The following TAFA2 variants were observed in gnomAD, a reference collection of about 807,000 sequenced individuals.
TAFA2 encodes the protein chemokine-like protein TAFA-2.
In TAFA2, 7 loss-of-function variants were observed where a neutral mutation model predicts 18.8. That is an observed-to-expected ratio of 0.37 (90% CI 0.21 to 0.70). The LOEUF (loss-of-function observed/expected upper bound fraction) is 0.70. Ranked by LOEUF, TAFA2 falls within the 30% of genes least tolerant of loss-of-function variation. The pLI, the probability that TAFA2 is intolerant of heterozygous loss-of-function variation, is 0.53. For synonymous variants in TAFA2, 60 were observed against 54.2 expected, an observed-to-expected ratio of 1.11 and a Z score of -0.47; for missense variants, 122 against 158.1, an observed-to-expected ratio of 0.77 and a Z score of 1.23.
chr12:61,899,397 A>G (rs1203512454), intron 1 of TAFA2, among the ~76,000 whole-genome samples: 1 of 152,196 alleles, frequency 6.6e-6, no homozygotes, highest in Non-Finnish European at 1.5e-5. Context: ...AAAGAAAGTA[A>G]GGTTAATTGA....
intron 2 of TAFA2, among the ~76,000 whole-genome samples, chr12:61,864,918 A>G (rs1471755231): frequency 6.6e-6 from 1 of 152,128 alleles, no homozygotes; most frequent in Admixed American, 6.6e-5. Context: ...GTTCTGGGTC[A>G]GAAACTGATA....
At chr12:61,717,367 T>G (rs1038859576) in intron 4 of TAFA2, among the ~76,000 whole-genome samples, 1 of 152,200 alleles carries the variant, frequency 6.6e-6, no homozygotes, top group Non-Finnish European at 1.5e-5. Flanking sequence ...ATCACTTTTA[T>G]AAATATACTC....
intron 1 of TAFA2, among the ~76,000 whole-genome samples, chr12:61,940,602 C>G (rs1055710730): frequency 6.6e-6 from 1 of 152,186 alleles, no homozygotes; most frequent in South Asian, 2.1e-4. Flanking sequence ...TCTTTAGATG[C>G]AGTCAACCCA....
At chr12:61,752,621 T>C (rs1223885294) in intron 4 of TAFA2, among the ~76,000 whole-genome samples, 2 of 152,022 alleles carry the variant, frequency 1.3e-5, no homozygotes, top group Non-Finnish European at 2.9e-5. Context: ...TTTTTATTCA[T>C]GCCATTTGAA....
intron 1 of TAFA2, among the ~76,000 whole-genome samples, chr12:62,221,387 CAACT>C (rs1191164785): frequency 6.6e-6 from 1 of 152,042 alleles, no homozygotes; most frequent in Non-Finnish European, 1.5e-5. Flanking sequence ...TTAGACCAAC[CAACT>C]GATTTAGTAG....
chr12:62,060,703 T>C (rs1882323857), intron 1 of TAFA2, among the ~76,000 whole-genome samples: 1 of 152,182 alleles, frequency 6.6e-6, no homozygotes, highest in South Asian at 2.1e-4. Context: ...CTGAAGACCT[T>C]CCAGTGGGAC....
In TAFA2 at chr12:61,849,594, G is replaced by A. The variant is rs543321951; in HGVS notation, c.106+17726C>T. Among the ~76,000 whole-genome samples the A allele has an allele frequency of 8.5e-5, 13 of 152,240 alleles. No homozygotes were observed. In the South Asian group the frequency reaches 2.5e-3, roughly 29 times the overall value. ...TAGTGATATAGAAAAGAAACTAAAT[G>A]TGGAAAACTAGAAACTACAGGAGAC... On this transcript the variant is annotated intron_variant, in intron 2 of 4. Transcript: ENST00000416284.
chr12:61,926,282 C>T (rs1361576294), intron 1 of TAFA2, among the ~76,000 whole-genome samples: 1 of 152,204 alleles, frequency 6.6e-6, no homozygotes, highest in African/African-American at 2.4e-5. Context: ...GGAGCTGGTA[C>T]CATTCCTTCT....
chr12:61,977,732 T>A (rs999416767), intron 1 of TAFA2, among the ~76,000 whole-genome samples: 2 of 152,088 alleles, frequency 1.3e-5, no homozygotes, highest in African/African-American at 2.4e-5. Context: ...TCCTACAGTA[T>A]GAAACCATTC....
At chr12:62,120,648 T>C (rs2136878777) in intron 1 of TAFA2, among the ~76,000 whole-genome samples, 1 of 152,236 alleles carries the variant, frequency 6.6e-6, no homozygotes, top group East Asian at 1.9e-4. Flanking sequence ...GGTTTCCAGC[T>C]GACCCAACAG....
chr12:61,987,127 GA>G (rs1315513000), intron 1 of TAFA2, among the ~76,000 whole-genome samples: 1 of 152,188 alleles, frequency 6.6e-6, no homozygotes, highest in African/African-American at 2.4e-5. Context: ...TGTGAGGAGA[GA>G]AAATACTGAT....
intron 2 of TAFA2, among the ~76,000 whole-genome samples, chr12:61,857,641 A>G (rs1314528061): frequency 6.6e-6 from 1 of 152,176 alleles, no homozygotes; most frequent in Non-Finnish European, 1.5e-5. Context: ...AGGGATTCCC[A>G]ATTGGCCTGA....
intron 1 of TAFA2, among the ~76,000 whole-genome samples, chr12:62,014,389 G>A (rs2136718135): frequency 6.6e-6 from 1 of 152,290 alleles, no homozygotes; most frequent in Middle Eastern, 3.4e-3. Flanking sequence ...GGTACTTTGG[G>A]AGGCCAAGGC....
At chr12:61,881,431 C>T (rs188360572) in intron 1 of TAFA2, among the ~76,000 whole-genome samples, 60 of 152,244 alleles carry the variant, frequency 3.9e-4, no homozygotes, top group African/African-American at 1.4e-3. Flanking sequence ...TGTGTCTGAG[C>T]ATATCTAATT....
chr12:61,759,247 A>C (rs1410656288), intron 2 of TAFA2, among the ~76,000 whole-genome samples: 2 of 152,092 alleles, frequency 1.3e-5, no homozygotes, highest in African/African-American at 4.8e-5. Context: ...TGTTGACCAA[A>C]TATGTCTGGT....
chr12:61,962,467 T>C lies in TAFA2; in HGVS notation c.-1-95041A>G, dbSNP rs556947103. ...ATTTTTCTTGTTGCTTATTTGGTTT[T>C]TGCTTAAGCTTTTGTCATTAATACC... On this transcript the variant is annotated intron_variant, in intron 1 of 4. Coordinates refer to ENST00000416284, the MANE Select transcript of TAFA2 (RefSeq NM_178539.5). Among the ~76,000 whole-genome samples, 3 of 152,122 alleles carry C rather than the reference T, an allele frequency of 2.0e-5. No homozygotes were observed. In the South Asian group the frequency reaches 6.2e-4, roughly 31 times the overall value.
At chr12:61,874,132 G>A (rs1874740009) in intron 1 of TAFA2, among the ~76,000 whole-genome samples, 1 of 152,096 alleles carries the variant, frequency 6.6e-6, no homozygotes, top group South Asian at 2.1e-4. Context: ...ATGTGTGTCA[G>A]AACTTTCCTA....
intron 1 of TAFA2, among the ~76,000 whole-genome samples, chr12:62,141,369 G>C (rs2062237979): frequency 6.6e-6 from 1 of 152,118 alleles, no homozygotes. Flanking sequence ...GGTTCCAGTT[G>C]TTTCTGCTTG....
At chr12:62,160,054 C>T (rs2062396604) in intron 1 of TAFA2, among the ~76,000 whole-genome samples, 1 of 152,180 alleles carries the variant, frequency 6.6e-6, no homozygotes, top group African/African-American at 2.4e-5. Flanking sequence ...TAATGAACAT[C>T]ATCTGCGTGC....
Sources: allele counts gnomAD v4.1 joint callset (sites outside exome capture counted in the v4.1 genomes callset), GRCh38; gene constraint gnomAD v4.1.1; transcripts MANE v1.5; gene names NCBI Gene and HGNC (gene_info 2026-07-23, HGNC 2026-07-21).